Variants in TRAPPC9 observed in about 807,000 individuals in gnomAD.
The protein encoded by TRAPPC9 is trafficking protein particle complex subunit 9.
In TRAPPC9, 83 loss-of-function variants were observed where a neutral mutation model predicts 124.0. That is an observed-to-expected ratio of 0.67 (90% CI 0.56 to 0.80). The LOEUF is 0.80. Ranked by LOEUF, TRAPPC9 falls within the 30% of genes least tolerant of loss-of-function variation. The pLI is 0.00. For missense variants in TRAPPC9, 1,302 were observed against 1,508.3 expected (o/e 0.86, Z 2.27); for synonymous variants, 638 against 617.5 (o/e 1.03, Z -0.49).
intron 2 of TRAPPC9, among the ~76,000 whole-genome samples, chr8:140,443,744 T>C (rs1417501223): frequency 6.6e-6 from 1 of 151,778 alleles, no homozygotes. Flanking sequence ...CTACTAAAAA[T>C]ACTAAAATTA....
chr8:140,279,538 C>T (rs929944839), intron 14 of TRAPPC9, among the ~76,000 whole-genome samples: 4 of 152,086 alleles, frequency 2.6e-5, no homozygotes, highest in African/African-American at 9.7e-5. Flanking sequence ...AAATCGGTTC[C>T]ACTGGACCCT....
At chr8:140,309,769 GC>G (rs2066241570) in intron 10 of TRAPPC9, among the ~76,000 whole-genome samples, 1 of 152,234 alleles carries the variant, frequency 6.6e-6, no homozygotes. Context: ...TCCACAGCCT[GC>G]CTGAGTGCTG....
At chr8:140,440,684 C>A (rs1354986467) in intron 2 of TRAPPC9, among the ~76,000 whole-genome samples, 12 of 152,072 alleles carry the variant, frequency 7.9e-5, no homozygotes, top group Admixed American at 7.9e-4. Flanking sequence ...TGTCCCTCCC[C>A]CACTGCAAAC....
chr8:139,816,035 G>T (rs527821872), intron 21 of TRAPPC9, among the ~76,000 whole-genome samples: 3 of 152,204 alleles, frequency 2.0e-5, no homozygotes, highest in Non-Finnish European at 4.4e-5. Flanking sequence ...GATAAAACTG[G>T]CTTAACCACT....
chr8:140,435,095 A>G lies in TRAPPC9; in HGVS notation c.859+17T>C, dbSNP rs2070764882. On this transcript the variant is annotated intron_variant, in intron 4 of 22. Coordinates refer to ENST00000438773, the MANE Select transcript of TRAPPC9 (RefSeq NM_001160372.4). ...AGACTGCAAGTGAGCAGAGGCCGGAAAAAGGGCAGAGCTCACCTGGCCGGT... is the reference window on the plus strand; with the variant it reads ...AGACTGCAAGTGAGCAGAGGCCGGAGAAAGGGCAGAGCTCACCTGGCCGGT... The G allele has an allele frequency of 6.2e-7, 1 of 1,614,218 alleles. No homozygotes were observed. Among genetic ancestry groups the G allele is most frequent in the Non-Finnish European group, 8.5e-7 (1 of 1,180,028 alleles).
intron 7 of TRAPPC9, among the ~76,000 whole-genome samples, chr8:140,375,695 T>G (rs1271653812): frequency 6.6e-6 from 1 of 152,226 alleles, no homozygotes; most frequent in Non-Finnish European, 1.5e-5. Context: ...AACAGAAATA[T>G]CACTGTTAGT....
At chr8:139,760,548 C>A (rs1469248161) in intron 21 of TRAPPC9, among the ~76,000 whole-genome samples, 1 of 152,236 alleles carries the variant, frequency 6.6e-6, no homozygotes, top group Non-Finnish European at 1.5e-5. Context: ...TACATTTCCT[C>A]ATTCATTTCT....
At chr8:139,953,780 G>A (rs536078143) in intron 19 of TRAPPC9, among the ~76,000 whole-genome samples, 5 of 152,076 alleles carry the variant, frequency 3.3e-5, no homozygotes, top group East Asian at 1.9e-4. Context: ...ATCTACAGAC[G>A]GCAAGCAGAC....
At chr8:139,953,164 C>T (rs1445873669) in intron 19 of TRAPPC9, among the ~76,000 whole-genome samples, 1 of 152,236 alleles carries the variant, frequency 6.6e-6, no homozygotes, top group Non-Finnish European at 1.5e-5. Context: ...CAAAATGGAT[C>T]ATTTTAAGAT....
intron 18 of TRAPPC9, among the ~76,000 whole-genome samples, chr8:140,003,975 A>C (rs1838578248): frequency 6.6e-6 from 1 of 152,272 alleles, no homozygotes. Flanking sequence ...ATGGATCCAC[A>C]GGCTGTGACA....
At chr8:140,325,779 C>A (rs1374080033) in intron 9 of TRAPPC9, among the ~76,000 whole-genome samples, 1 of 152,154 alleles carries the variant, frequency 6.6e-6, no homozygotes, top group African/African-American at 2.4e-5. Context: ...AACCCTGACA[C>A]CAAAACCTGA....
In TRAPPC9 at chr8:140,450,820, T is replaced by C. The variant is rs2071427733; in HGVS notation, c.554A>G (p.Lys185Arg). 1.2e-6 allele frequency: 2 copies of C among 1,611,628 alleles called. No homozygotes were observed. The highest frequency in any genetic ancestry group is 1.7e-6 in the Non-Finnish European group (2 of 1,178,712). Residue 185 changes from lysine (K) to arginine (R), a missense_variant, in exon 2 of 23, where the codon AAG becomes AGG. This residue lies in a region of TRAPPC9 where 657 missense variants were observed against 811.2 expected (regional missense o/e 0.81). Coordinates refer to ENST00000438773, the MANE Select transcript of TRAPPC9 (RefSeq NM_001160372.4). The part of the protein sequence containing the change: ...IPLLCVPFEK[K>R]DFVGLDTDSR... Reference sequence around the variant, plus strand: ...GTCTGTGTCCAGTCCTACAAAGTCCTTTTTCTCAAACGGGACACAGAGAAG... The same window carrying C: ...GTCTGTGTCCAGTCCTACAAAGTCCCTTTTCTCAAACGGGACACAGAGAAG...
intron 5 of TRAPPC9, among the ~76,000 whole-genome samples, chr8:140,418,165 C>A (rs1479968669): frequency 6.6e-6 from 1 of 152,094 alleles, no homozygotes; most frequent in Non-Finnish European, 1.5e-5. Flanking sequence ...ACCTATATAA[C>A]AAACCTGCAC....
At position 139,901,002 on chromosome 8, in the gene TRAPPC9, A is replaced by AAATAAATAAATAACTAAAT. The variant is rs57260430; in HGVS notation, c.2964+9144_2964+9145insATTTAGTTATTTATTTATT. ...TAAATAAATAAATAAATAAATAAAT[A>AAATAAATAAATAACTAAAT]AAATAAATAAATAAATAAAAATAAA... On this transcript the variant is annotated intron_variant, in intron 20 of 22. Coordinates refer to ENST00000438773, the MANE Select transcript of TRAPPC9 (RefSeq NM_001160372.4). Among the ~76,000 whole-genome samples the AAATAAATAAATAACTAAAT allele has an allele frequency of 6.3e-3, 788 of 124,504 alleles. 3 individuals are homozygous for AAATAAATAAATAACTAAAT. Among genetic ancestry groups the AAATAAATAAATAACTAAAT allele is most frequent in the Middle Eastern group, 0.016 (4 of 256 alleles). 81.7% of individuals were successfully genotyped at this position (124,504 alleles called of 152,430 possible). A position where few individuals can be genotyped will look rare whatever the true frequency, so the allele number is the denominator to read the frequency against.
intron 20 of TRAPPC9, among the ~76,000 whole-genome samples, chr8:139,887,567 T>C (rs1461257665): frequency 6.6e-6 from 1 of 152,220 alleles, no homozygotes; most frequent in Non-Finnish European, 1.5e-5. Context: ...TCCCAAATAC[T>C]GTGTGCTCTC....
chr8:140,090,685 T>C (rs6985285), intron 17 of TRAPPC9, among the ~76,000 whole-genome samples: 101,559 of 152,192 alleles, frequency 0.67, 34,350 homozygotes, highest in African/African-American at 0.77. Context: ...AGTGTACCCA[T>C]CCCTGCTTTC....
chr8:140,046,957 C>T (rs747331313), intron 17 of TRAPPC9, among the ~76,000 whole-genome samples: 2 of 152,152 alleles, frequency 1.3e-5, no homozygotes, highest in Non-Finnish European at 1.5e-5. Context: ...GAAATAGAAA[C>T]GTGTACAGAA....
chr8:140,190,694 T>C (rs1303460775), intron 17 of TRAPPC9, among the ~76,000 whole-genome samples: 3 of 152,228 alleles, frequency 2.0e-5, no homozygotes, highest in East Asian at 1.9e-4. Flanking sequence ...AACAAACTGC[T>C]AGCTTCTTCT....
At chr8:139,912,980 A>G (rs1311316374) in intron 19 of TRAPPC9, among the ~76,000 whole-genome samples, 1 of 152,206 alleles carries the variant, frequency 6.6e-6, no homozygotes, top group Non-Finnish European at 1.5e-5. Context: ...AAAAGGAACT[A>G]ATAACTTTCA....
Sources: gnomAD v4.1 joint callset for allele counts (sites outside exome capture counted in the v4.1 genomes callset) on GRCh38, gnomAD v4.1.1 for gene constraint, gnomAD v4.1.1 regional missense constraint, MANE v1.5 for transcripts, NCBI Gene and HGNC (gene_info 2026-07-23, HGNC 2026-07-21) for gene names.